The following HMGN1 variants were observed in gnomAD, a reference collection of about 807,000 sequenced individuals.
HMGN1 encodes high mobility group nucleosome binding domain 1.
In HMGN1, 9 loss-of-function variants were observed where a neutral mutation model predicts 18.4. That is an observed-to-expected ratio of 0.49 (90% CI 0.29 to 0.85). The LOEUF is 0.85. Among genes scored for constraint, HMGN1 ranks in the 40% least tolerant of loss-of-function variants. The probability of loss-of-function intolerance (pLI) is 0.07; values close to 1 mark genes in which losing one functional copy is unlikely to be tolerated. For missense variants in HMGN1, 151 were observed against 119.2 expected, an observed-to-expected ratio of 1.27 and a Z score of -1.24; for synonymous variants, 59 against 45.0, an observed-to-expected ratio of 1.31 and a Z score of -1.24.
chr21:39,345,820 G>A (rs1442688424), intron 4 of HMGN1: 3 of 1,298,626 alleles, frequency 2.3e-6, no homozygotes, highest in Non-Finnish European at 3.0e-6. Context: ...CTCACATTAA[G>A]ACCAATCACC....
chr21:39,345,778 T>C (rs2037030293), intron 4 of HMGN1: 1 of 1,281,830 alleles, frequency 7.8e-7, no homozygotes, highest in Non-Finnish European at 1.0e-6. Context: ...TGTTGTGAAC[T>C]TCAACAATAC....
At chr21:39,343,961 T>C (rs1194309054) in intron 5 of HMGN1, among the ~76,000 whole-genome samples, 1 of 152,160 alleles carries the variant, frequency 6.6e-6, no homozygotes, top group Non-Finnish European at 1.5e-5. Flanking sequence ...ATGGTTAGAA[T>C]TAAGTAGTAC....
chr21:39,348,187 A>ACCGT, intron 4 of HMGN1, 105 bp downstream of exon 4: 1 of 1,384,008 alleles, frequency 7.2e-7, no homozygotes, highest in Non-Finnish European at 1.0e-6. Flanking sequence ...CGTAATTATT[A>ACCGT]AAGTATAAAT....
chr21:39,347,544 TCTCAC>T, intron 4 of HMGN1: 1 of 560,002 alleles, frequency 1.8e-6, no homozygotes, highest in Non-Finnish European at 3.2e-6. Context: ...AATAGCAAAC[TCTCAC>T]CTAAGTTTTG....
intron 1 of HMGN1, 107 bp from the exon 2 acceptor site, chr21:39,348,684 C>T: frequency 1.5e-6 from 2 of 1,364,800 alleles, no homozygotes; most frequent in Non-Finnish European, 1.9e-6. Flanking sequence ...CGGCTTCCCG[C>T]CGCCCCGTTC....
chr21:39,342,892 TTTCTGGTTG>T lies in HMGN1; in HGVS notation c.*211_*219del, dbSNP rs1396393400. 7.2e-7 allele frequency: 1 copy of T among 1,390,062 alleles called. No homozygotes were observed. The highest frequency in any genetic ancestry group is 1.4e-5 in the African/African-American group (1 of 69,518). The allele number at this position is 1,390,062 out of a possible 1,614,324, so 86.1% of individuals were successfully genotyped here. On this transcript the variant is annotated 3_prime_UTR_variant, in exon 6 of 6. Transcript: ENST00000380749. ...CCCATAATTCAATATCCCACACTAT[TTTCTGGTTG>T]TACCAAAAAATAAACAACCAGCAAA...
At chr21:39,348,206 A>C (rs2037128930) in intron 4 of HMGN1, 86 bp downstream of exon 4, 1 of 1,510,998 alleles carries the variant, frequency 6.6e-7, no homozygotes, top group African/African-American at 1.4e-5. Context: ...ATAAAGCTCC[A>C]ATAGCTAATC....
Position 39,348,302 on chromosome 21 carries a change from G to A in HMGN1, c.116C>T (p.Ala39Val). Residue 39 changes from alanine (A) to valine (V), a missense_variant, in exon 4 of 6, where the codon GCA becomes GTA. Coordinates refer to ENST00000380749, the MANE Select transcript of HMGN1 (RefSeq NM_004965.7). ...PAKVEAKPKK[A>V]AAKDKSSDKK... ...CGTTTCGAGGCTTACCTTCGCTGCT[G>A]CCTTTTTCGGCTTCGCTTCCACTTT... 3 of 1,614,120 alleles carry A rather than the reference G, an allele frequency of 1.9e-6. No homozygotes were observed. Among genetic ancestry groups the A allele is most frequent in the Non-Finnish European group, 2.5e-6 (3 of 1,179,982 alleles).
chr21:39,348,699 AG>A (rs2037157850), intron 1 of HMGN1, 122 bp from the exon 2 acceptor site: 3 of 1,233,748 alleles, frequency 2.4e-6, no homozygotes, highest in South Asian at 1.6e-5. Flanking sequence ...CCGTTCGAAT[AG>A]CCCCCTCAGC....
chr21:39,343,008 G>C lies in HMGN1; in HGVS notation c.*104C>G, dbSNP rs889014463. 9.9e-6 allele frequency: 12 copies of C among 1,217,532 alleles called. No individual in the cohort carries two copies. Among genetic ancestry groups the C allele is most frequent in the Non-Finnish European group, 1.4e-5 (12 of 838,622 alleles). 75.4% of individuals were successfully genotyped at this position (1,217,532 alleles called of 1,614,324 possible). Reference sequence around the variant, plus strand: ...TCCCTCCTTCTTAAAAATGTTTCTAGAGCTACTAAAAAACTTGCATTTACA... The same window carrying C: ...TCCCTCCTTCTTAAAAATGTTTCTACAGCTACTAAAAAACTTGCATTTACA... On this transcript the variant is annotated 3_prime_UTR_variant, in exon 6 of 6. Transcript: ENST00000380749.
intron 5 of HMGN1, among the ~76,000 whole-genome samples, chr21:39,343,794 C>T (rs147517572): frequency 1.9e-4 from 29 of 152,294 alleles, no homozygotes; most frequent in African/African-American, 4.3e-4. Context: ...TATGTGAAAA[C>T]GGTTTCATAC....
rs111431743 is a variant in HMGN1, at chr21:39,344,075, C to A, written c.256-916G>T. Among the ~76,000 whole-genome samples, 1,114 of 151,872 alleles carry A rather than the reference C, an allele frequency of 7.3e-3. 10 individuals are homozygous for A. Among genetic ancestry groups the A allele is most frequent in the African/African-American group, 0.026 (1,083 of 41,412 alleles). On this transcript the variant is annotated intron_variant, in intron 5 of 5. Coordinates refer to ENST00000380749, the MANE Select transcript of HMGN1 (RefSeq NM_004965.7). ...TTTGAAACCAGCCTGGCTAACACGG[C>A]GAAACCCCGTTTCTACTAAAAATAC...
In HMGN1 at chr21:39,348,273, T is replaced by TG. The variant is rs1464091839; in HGVS notation, c.126+18dup. 1 of 1,613,880 alleles carries TG rather than the reference T, an allele frequency of 6.2e-7. No individual in the cohort carries two copies. The highest frequency in any genetic ancestry group is 2.2e-5 in the East Asian group (1 of 44,886). Reference sequence around the variant, plus strand: ...AGCCTAAGGCCCCGCTGCATCCCAATGCGCGTTTCGAGGCTTACCTTCGCT... The same window carrying TG: ...AGCCTAAGGCCCCGCTGCATCCCAATGGCGCGTTTCGAGGCTTACCTTCGCT... On this transcript the variant is annotated intron_variant, in intron 4 of 5. Coordinates refer to ENST00000380749, the MANE Select transcript of HMGN1 (RefSeq NM_004965.7).
At chr21:39,348,377 G>C (rs747540125) in intron 3 of HMGN1, 38 bp from the exon 4 acceptor site, 1 of 1,614,008 alleles carries the variant, frequency 6.2e-7, no homozygotes, top group Admixed American at 1.7e-5. Flanking sequence ...CCTCACCCGG[G>C]ACGACCCGCG....
intron 5 of HMGN1, among the ~76,000 whole-genome samples, chr21:39,344,780 A>C (rs1233010733): frequency 2.0e-5 from 3 of 152,238 alleles, no homozygotes; most frequent in Non-Finnish European, 4.4e-5. Flanking sequence ...AATACAAACA[A>C]AAACATTTTC....
At chr21:39,345,427 G>A (rs752890747) in intron 4 of HMGN1, 153 bp from the exon 5 acceptor site, 9 of 681,168 alleles carry the variant, frequency 1.3e-5, no homozygotes, top group Middle Eastern at 2.9e-4. Context: ...ACATGAGCGT[G>A]AAACCCCAAT....
chr21:39,345,650 A>G (rs943859343), intron 4 of HMGN1: 6 of 403,412 alleles, frequency 1.5e-5, no homozygotes, highest in African/African-American at 4.2e-5. Flanking sequence ...AGCCCGAGCT[A>G]TATTTCACCA....
Position 39,345,271 on chromosome 21 carries a change from T to C in HMGN1, c.130A>G (p.Lys44Glu). Residue 44 changes from lysine to glutamate, a missense_variant, in exon 5 of 6, where the codon AAA (lysine) becomes GAA (glutamate). By Grantham distance (56) the Lys-to-Glu change is moderately conservative (BLOSUM62 1). Coordinates refer to ENST00000380749, the MANE Select transcript of HMGN1 (RefSeq NM_004965.7). ...GTTTGCACTTTTTTGTCTGAAGATTTATCCTATGATAGAATAAGAATATAT... is the reference window on the plus strand; with the variant it reads ...GTTTGCACTTTTTTGTCTGAAGATTCATCCTATGATAGAATAAGAATATAT... Reference protein sequence around the residue: ...AKPKKAAAKDKSSDKKVQTKG... With the variant: ...AKPKKAAAKDESSDKKVQTKG... 6.2e-7 allele frequency: 1 copy of C among 1,611,320 alleles called. No homozygotes were observed. Among genetic ancestry groups the C allele is most frequent in the Middle Eastern group, 1.7e-4 (1 of 6,036 alleles).
intron 4 of HMGN1, chr21:39,347,527 G>C (rs1226988986): frequency 4.1e-6 from 3 of 723,922 alleles, no homozygotes; most frequent in Non-Finnish European, 6.5e-6. Context: ...TTTTTTTTGA[G>C]ACTTCAAATA....
Sources: allele counts gnomAD v4.1 joint callset (sites outside exome capture counted in the v4.1 genomes callset), GRCh38; gene constraint gnomAD v4.1.1; transcripts MANE v1.5; gene names NCBI Gene and HGNC (gene_info 2026-07-23, HGNC 2026-07-21).